RNF180: variants seen among roughly 807,000 people sequenced by gnomAD.
RNF180 encodes the protein E3 ubiquitin-protein ligase RNF180.
Under a neutral mutation model 59.2 loss-of-function variants are expected in RNF180, and 38 were observed. The ratio of observed to expected loss-of-function variants is 0.64; its 90% CI spans 0.50 to 0.84. RNF180 has a LOEUF of 0.84. Ranked by LOEUF, RNF180 falls within the 40% of genes least tolerant of loss-of-function variation. RNF180 has a pLI of 0.00. For synonymous variants in RNF180, 262 were observed against 240.3 expected (o/e 1.09, Z -0.84); for missense variants, 705 against 700.9 (o/e 1.01, Z -0.07).
At chr5:64,285,158 T>C (rs1742215055) in intron 5 of RNF180, among the ~76,000 whole-genome samples, 1 of 152,092 alleles carries the variant, frequency 6.6e-6, no homozygotes, top group East Asian at 1.9e-4. Flanking sequence ...TGCTGCTTTG[T>C]TTTCTGGTCC....
At chr5:64,266,915 C>A (rs1265647172) in intron 5 of RNF180, among the ~76,000 whole-genome samples, 2 of 152,072 alleles carry the variant, frequency 1.3e-5, no homozygotes, top group African/African-American at 4.8e-5. Context: ...AAAACCTGTA[C>A]TGTTCTGAAT....
At chr5:64,257,020 TA>T (rs1744011404) in intron 5 of RNF180, among the ~76,000 whole-genome samples, 1 of 152,248 alleles carries the variant, frequency 6.6e-6, no homozygotes, top group South Asian at 2.1e-4. Context: ...TATTGGTGTA[TA>T]AGAATGCTTG....
At chr5:64,359,162 G>T (rs1746145357) in intron 7 of RNF180, among the ~76,000 whole-genome samples, 2 of 151,596 alleles carry the variant, frequency 1.3e-5, no homozygotes, top group Non-Finnish European at 1.5e-5. Flanking sequence ...TAATGGGATG[G>T]CTGGGTCAAA....
chr5:64,315,525 A>G (rs542112456), intron 5 of RNF180, among the ~76,000 whole-genome samples: 31 of 152,210 alleles, frequency 2.0e-4, no homozygotes, highest in East Asian at 7.8e-4. Flanking sequence ...TGGGTGGATC[A>G]CCTGAGGTCA....
At chr5:64,226,008 C>A (rs529612598) in intron 5 of RNF180, among the ~76,000 whole-genome samples, 26 of 145,874 alleles carry the variant, frequency 1.8e-4, no homozygotes, top group African/African-American at 5.9e-4. Context: ...AAGTGAGGAG[C>A]GCCTCTGCCC....
intron 1 of RNF180, among the ~76,000 whole-genome samples, chr5:64,182,145 C>A (rs1750627819): frequency 6.6e-6 from 1 of 152,004 alleles, no homozygotes; most frequent in Non-Finnish European, 1.5e-5. Flanking sequence ...CGCCCACCAC[C>A]ACGCCTGGCT....
chr5:64,346,874 T>C (rs192971054), intron 7 of RNF180, among the ~76,000 whole-genome samples: 138 of 152,284 alleles, frequency 9.1e-4, no homozygotes, highest in Middle Eastern at 3.4e-3. Context: ...AACGTAAGAA[T>C]AGAATTGTGG....
At chr5:64,309,332 AT>A (rs1271515942) in intron 5 of RNF180, among the ~76,000 whole-genome samples, 1 of 151,752 alleles carries the variant, frequency 6.6e-6, no homozygotes, top group Non-Finnish European at 1.5e-5. Flanking sequence ...GTAAGAAAGT[AT>A]TTCTTGAATT....
chr5:64,167,480 T>C (rs985639818), intron 1 of RNF180, among the ~76,000 whole-genome samples: 6 of 152,262 alleles, frequency 3.9e-5, no homozygotes, highest in Non-Finnish European at 7.4e-5. Context: ...ATTCAAAAAA[T>C]AATATTGAAA....
At chr5:64,341,456 G>GAA (rs1377736647) in intron 7 of RNF180, among the ~76,000 whole-genome samples, 1 of 152,112 alleles carries the variant, frequency 6.6e-6, no homozygotes, top group Non-Finnish European at 1.5e-5. Flanking sequence ...TTAATTAAAA[G>GAA]AAAAGATTTC....
chr5:64,319,543 C>T (rs1744238173), intron 5 of RNF180, among the ~76,000 whole-genome samples: 1 of 152,142 alleles, frequency 6.6e-6, no homozygotes, highest in African/African-American at 2.4e-5. Context: ...TGTGCCTTTT[C>T]TATAAACTTG....
At chr5:64,189,991 C>G (rs1261314121) in intron 1 of RNF180, among the ~76,000 whole-genome samples, 2 of 152,146 alleles carry the variant, frequency 1.3e-5, no homozygotes, top group Non-Finnish European at 2.9e-5. Context: ...TCCACAGGCC[C>G]AGAGCACACA....
At chr5:64,273,651 G>A (rs1417097480) in intron 5 of RNF180, among the ~76,000 whole-genome samples, 1 of 151,954 alleles carries the variant, frequency 6.6e-6, no homozygotes, top group African/African-American at 2.4e-5. Flanking sequence ...GCAGAAAGTG[G>A]GTTGAAGAAC....
At chr5:64,257,762 A>T (rs1744069639) in intron 5 of RNF180, among the ~76,000 whole-genome samples, 2 of 152,162 alleles carry the variant, frequency 1.3e-5, no homozygotes. Context: ...ATTGATTGGA[A>T]TAGTTTCAGA....
intron 1 of RNF180, among the ~76,000 whole-genome samples, chr5:64,188,537 G>A (rs552229191): frequency 6.6e-6 from 1 of 152,070 alleles, no homozygotes; most frequent in East Asian, 1.9e-4. Flanking sequence ...TTCTAAGTTG[G>A]TATGCTTTGC....
Position 64,214,298 on chromosome 5 carries a change from T to C in RNF180, c.972T>C (p.Thr324=), listed in dbSNP as rs376570072. 8 of 1,613,978 alleles carry C rather than the reference T, an allele frequency of 5.0e-6. No homozygotes were observed. The African/African-American group carries it at 1.1e-4, about 22-fold the overall frequency. ...LEAASVYSDH[T]NTNNLTFLMD... Reference sequence around the variant, plus strand: ...CTGCTTCAGTGTATTCTGACCATACTAATACTAACAATCTGACTTTCCTGA... The same window carrying C: ...CTGCTTCAGTGTATTCTGACCATACCAATACTAACAATCTGACTTTCCTGA... Residue 324 remains threonine (T), a synonymous_variant, in exon 4 of 8, where the codon ACT becomes ACC. Coordinates refer to ENST00000389100, the MANE Select transcript of RNF180 (RefSeq NM_001113561.2).
At chr5:64,198,726 G>T (rs1751578720) in intron 1 of RNF180, among the ~76,000 whole-genome samples, 1 of 152,162 alleles carries the variant, frequency 6.6e-6, no homozygotes, top group Non-Finnish European at 1.5e-5. Context: ...GCTAAGAAGG[G>T]TAAGAGAGGA....
chr5:64,351,913 T>C (rs1457324751), intron 7 of RNF180, among the ~76,000 whole-genome samples: 2 of 152,188 alleles, frequency 1.3e-5, no homozygotes, highest in African/African-American at 4.8e-5. Flanking sequence ...GATTCTGGCC[T>C]CATAAAATGA....
intron 1 of RNF180, among the ~76,000 whole-genome samples, chr5:64,192,109 T>C (rs887735970): frequency 6.6e-6 from 1 of 151,974 alleles, no homozygotes; most frequent in African/African-American, 2.4e-5. Flanking sequence ...CATATATGCC[T>C]GATTTTGAGA....
Sources: gnomAD v4.1 joint callset for allele counts (sites outside exome capture counted in the v4.1 genomes callset) on GRCh38, gnomAD v4.1.1 for gene constraint, MANE v1.5 for transcripts, NCBI Gene and HGNC (gene_info 2026-07-23, HGNC 2026-07-21) for gene names.